Variants in PPM1D observed in about 807,000 individuals in gnomAD.
PPM1D encodes protein phosphatase, Mg2+/Mn2+ dependent 1D.
In PPM1D, 52 loss-of-function variants were observed where a neutral mutation model predicts 58.3. The ratio of observed to expected loss-of-function variants is 0.89; its 90% CI spans 0.71 to 1.12. The LOEUF (loss-of-function observed/expected upper bound fraction) is 1.12, where lower values mean the gene tolerates loss of function less well. Ranked by LOEUF, PPM1D falls within the 50% of genes most tolerant of loss-of-function variation. The pLI, the probability that PPM1D is intolerant of heterozygous loss-of-function variation, is 0.00. For missense variants in PPM1D, 564 were observed against 777.2 expected, an observed-to-expected ratio of 0.73 and a Z score of 3.26; for synonymous variants, 278 against 285.1, an observed-to-expected ratio of 0.98 and a Z score of 0.25.
At chr17:60,629,968 A>G (rs2030886604) in intron 2 of PPM1D, among the ~76,000 whole-genome samples, 1 of 152,284 alleles carries the variant, frequency 6.6e-6, no homozygotes, top group East Asian at 1.9e-4. Context: ...TGAACCTGGG[A>G]GGCAGAGGTT....
chr17:60,609,059 A>G (rs993611336), intron 1 of PPM1D, among the ~76,000 whole-genome samples: 2 of 150,526 alleles, frequency 1.3e-5, no homozygotes, highest in Non-Finnish European at 3.0e-5. Context: ...TATTATGTAT[A>G]TCTTTAACCA....
intron 4 of PPM1D, among the ~76,000 whole-genome samples, chr17:60,649,489 A>T (rs1332359830): frequency 6.6e-6 from 1 of 151,994 alleles, no homozygotes; most frequent in Non-Finnish European, 1.5e-5. Context: ...AGGAGTTAAG[A>T]GACCAGCCTG....
intron 4 of PPM1D, among the ~76,000 whole-genome samples, chr17:60,651,040 A>G (rs1010362067): frequency 1.3e-5 from 2 of 152,224 alleles, no homozygotes; most frequent in East Asian, 1.9e-4. Context: ...GTGGCAATAT[A>G]TGCACTTAGA....
At chr17:60,619,876 G>A (rs769753939) in intron 1 of PPM1D, among the ~76,000 whole-genome samples, 20 of 152,026 alleles carry the variant, frequency 1.3e-4, no homozygotes, top group Non-Finnish European at 2.9e-4. Flanking sequence ...TTGAATTTCC[G>A]TCATGATGCT....
In PPM1D at chr17:60,662,980, C is replaced by T. The variant is rs2143730702; in HGVS notation, c.1261-15C>T. The T allele has an allele frequency of 1.3e-6, 2 of 1,576,190 alleles. No individual in the cohort carries two copies. The highest frequency in any genetic ancestry group is 1.2e-5 in the South Asian group (1 of 86,576). ...ATAAATTTTTTCTTATTTGTTTTACCTTCTTATTTTTCAGTCACTGGAGGA... is the reference window on the plus strand; with the variant it reads ...ATAAATTTTTTCTTATTTGTTTTACTTTCTTATTTTTCAGTCACTGGAGGA... On this transcript the variant is annotated splice_polypyrimidine_tract_variant and intron_variant, in intron 5 of 5. Transcript: ENST00000305921.
rs5821296 is a variant in PPM1D at position 60,636,967 on chromosome 17, AT to A, written c.826+3009del. On this transcript the variant is annotated intron_variant, in intron 3 of 5. Coordinates refer to ENST00000305921, the MANE Select transcript of PPM1D (RefSeq NM_003620.4). ...TGCGACAGCGCTCAGCCTACTCATG[AT>A]TTTTTTTTTTTTTTTTTTAGACAGA... Among the ~76,000 whole-genome samples, 369 of 135,280 alleles carry A rather than the reference AT, an allele frequency of 2.7e-3. 2 individuals carry two copies. Among genetic ancestry groups the A allele is most frequent in the African/African-American group, 8.3e-3 (298 of 36,040 alleles). The allele number at this position is 135,280 out of a possible 152,430, so 88.7% of individuals were successfully genotyped here. A position where few individuals can be genotyped will look rare whatever the true frequency, so the allele number is the denominator to read the frequency against.
chr17:60,602,781 A>G (rs1342834935), intron 1 of PPM1D, among the ~76,000 whole-genome samples: 4 of 8,292 alleles, frequency 4.8e-4, no homozygotes, highest in East Asian at 0.01. Context: ...CAAAGCTTGA[A>G]AAAAAAAAAA....
At chr17:60,661,963 A>G (rs1312794838) in intron 5 of PPM1D, among the ~76,000 whole-genome samples, 2 of 152,132 alleles carry the variant, frequency 1.3e-5, no homozygotes, top group Non-Finnish European at 1.5e-5. Context: ...GGTTTTCATT[A>G]CTAGAAAATT....
At chr17:60,627,783 G>T (rs1445514955) in intron 2 of PPM1D, among the ~76,000 whole-genome samples, 1 of 152,050 alleles carries the variant, frequency 6.6e-6, no homozygotes, top group Non-Finnish European at 1.5e-5. Flanking sequence ...CAAAACTCAA[G>T]AAATGATAGT....
chr17:60,605,494 A>G (rs1298694057), intron 1 of PPM1D, among the ~76,000 whole-genome samples: 1 of 152,162 alleles, frequency 6.6e-6, no homozygotes, highest in East Asian at 1.9e-4. Context: ...GCTGCTCAAC[A>G]ACTAGTTGAG....
At position 60,663,229 on chromosome 17, in the gene PPM1D, G is replaced by A. The variant is rs542670520; in HGVS notation, c.1495G>A (p.Val499Met). 1.1e-5 allele frequency: 17 copies of A among 1,614,134 alleles called. No homozygotes were observed. The African/African-American group carries it at 2.3e-4, about 22-fold the overall frequency. ...GAATAATAGCCTTCCAATTGGCCTT[G>A]TGCCTACTAATTCAACAAACACTGT... ...SLNNSLPIGL[V>M]PTNSTNTVMD... Residue 499 changes from valine to methionine, a missense_variant, in exon 6 of 6, where the codon GTG becomes ATG. This residue lies in a region of PPM1D where 261 missense variants were observed against 270.1 expected (regional missense o/e 0.97). Transcript: ENST00000305921.
intron 1 of PPM1D, among the ~76,000 whole-genome samples, chr17:60,602,179 A>G (rs2030228554): frequency 6.6e-6 from 1 of 151,902 alleles, no homozygotes; most frequent in Non-Finnish European, 1.5e-5. Context: ...CTCTTTATGG[A>G]TTTATTTTGT....
rs534868604 is a variant in PPM1D at position 60,611,505 on chromosome 17, G to C, written c.472+10619G>C. ...AGTGCAGCGGCACGATCTTGGCTCTGCCTCCTAGTTTCAAGCAATCCTCCT... is the reference window on the plus strand; with the variant it reads ...AGTGCAGCGGCACGATCTTGGCTCTCCCTCCTAGTTTCAAGCAATCCTCCT... On this transcript the variant is annotated intron_variant, in intron 1 of 5. Coordinates refer to ENST00000305921, the MANE Select transcript of PPM1D (RefSeq NM_003620.4). Among the ~76,000 whole-genome samples, 8 of 151,764 alleles carry C rather than the reference G, an allele frequency of 5.3e-5. No individual in the cohort carries two copies. The East Asian group carries it at 1.2e-3, about 22-fold the overall frequency.
chr17:60,605,176 T>C (rs531094370), intron 1 of PPM1D, among the ~76,000 whole-genome samples: 59 of 152,352 alleles, frequency 3.9e-4, no homozygotes, highest in Admixed American at 8.5e-4. Flanking sequence ...AAGAATGCAG[T>C]GACTAATGGC....
Position 60,600,506 on chromosome 17 carries a change from C to G in PPM1D, c.92C>G (p.Pro31Arg). 6.4e-7 allele frequency: 1 copy of G among 1,569,376 alleles called. No homozygotes were observed. Among genetic ancestry groups the G allele is most frequent in the Non-Finnish European group, 8.6e-7 (1 of 1,157,574 alleles). Residue 31 changes from proline to arginine, a missense_variant, in exon 1 of 6, where the codon CCC (proline) becomes CGC (arginine). By Grantham distance (103) the Pro-to-Arg change is moderately radical. Around this residue, in one of 7 missense-constraint regions of PPM1D, gnomAD observed 132 missense variants for 150.4 expected, o/e 0.88. Transcript: ENST00000305921. ...GACGTTACTCAAATCGTTGTGGAGC[C>G]CGAACCGACGGCTGAAGAAAAGCCC... ...MEDVTQIVVE[P>R]EPTAEEKPSP... is the part of the protein sequence containing the mutation.
chr17:60,656,810 C>T lies in PPM1D; in HGVS notation c.1229C>T (p.Thr410Ile). 6.2e-7 allele frequency: 1 copy of T among 1,614,102 alleles called. No homozygotes were observed. The highest frequency in any genetic ancestry group is 8.5e-7 in the Non-Finnish European group (1 of 1,179,990). The change falls in exon 5 of 6, where the codon ACT becomes ATT. Residue 410 changes from threonine to isoleucine, a missense_variant. Thr to Ile is a moderately conservative substitution (Grantham distance 89). This residue lies in a region of PPM1D where 261 missense variants were observed against 270.1 expected (regional missense o/e 0.97). Transcript: ENST00000305921. ...SYNSQETCVM[T>I]PSPCSTPPVK... The stretch of plus-strand genomic sequence containing the variant: ...AATAGTCAAGAAACCTGTGTGATGA[C>T]TCCTTCCCCATGTTCTACACCACCA...
chr17:60,662,088 C>T (rs1433192858), intron 5 of PPM1D, among the ~76,000 whole-genome samples: 1 of 152,134 alleles, frequency 6.6e-6, no homozygotes, highest in Admixed American at 6.5e-5. Flanking sequence ...CCTCCACCTC[C>T]TGGGCTCAAG....
chr17:60,638,232 AAAG>A (rs1352859905), intron 3 of PPM1D, among the ~76,000 whole-genome samples: 2 of 152,236 alleles, frequency 1.3e-5, no homozygotes, highest in African/African-American at 4.8e-5. Context: ...TAGTGATAAA[AAAG>A]CTTTTTTCCT....
chr17:60,614,418 C>T (rs1158362980), intron 1 of PPM1D, among the ~76,000 whole-genome samples: 1 of 152,090 alleles, frequency 6.6e-6, no homozygotes, highest in Non-Finnish European at 1.5e-5. Flanking sequence ...GTGTCTATCT[C>T]AGGGATTGTA....
Sources: allele counts gnomAD v4.1 joint callset (sites outside exome capture counted in the v4.1 genomes callset), GRCh38; gene constraint gnomAD v4.1.1; regional missense constraint gnomAD v4.1.1; transcripts MANE v1.5; gene names NCBI Gene and HGNC (gene_info 2026-07-23, HGNC 2026-07-21).